ATXN10: variants seen among roughly 807,000 people sequenced by gnomAD.
ATXN10 encodes the protein ataxin-10.
Under a neutral mutation model 52.9 loss-of-function variants are expected in ATXN10, and 28 were observed. That is an observed-to-expected ratio of 0.53 (90% CI 0.39 to 0.73). The LOEUF (loss-of-function observed/expected upper bound fraction) is 0.73, where lower values mean the gene tolerates loss of function less well. Ranked by LOEUF, ATXN10 falls within the 30% of genes least tolerant of loss-of-function variation. ATXN10 has a pLI of 0.00. For missense variants in ATXN10, 565 were observed against 577.0 expected (o/e 0.98, Z 0.21); for synonymous variants, 226 against 221.5 (o/e 1.02, Z -0.18).
chr22:45,706,991 G>T (rs1035772373), intron 5 of ATXN10, among the ~76,000 whole-genome samples: 3 of 151,992 alleles, frequency 2.0e-5, no homozygotes, highest in Admixed American at 2.0e-4. Context: ...TTTTCCTTCA[G>T]TTCTGTCAGT....
chr22:45,740,709 C>CAT (rs1569044433), intron 9 of ATXN10, 171 bp downstream of exon 9: 4 of 396,226 alleles, frequency 1.0e-5, no homozygotes, highest in South Asian at 5.4e-5. Context: ...CACACACACA[C>CAT]ACACACACAC....
At position 45,701,068 on chromosome 22, in the gene ATXN10, G is replaced by A. The variant is rs1201380576; in HGVS notation, c.488+690G>A. ...CAGTATACCTAGTAGGAAAGGCACA[G>A]TCTGGGAGTGGGAGACCTGGCTTTG... On this transcript the variant is annotated intron_variant, in intron 4 of 11. Coordinates refer to ENST00000252934, the MANE Select transcript of ATXN10 (RefSeq NM_013236.4). This position sits in a 1 kb window ranked among gnomAD's most constrained non-coding sequence, Gnocchi z 4.2. Among the ~76,000 whole-genome samples, 1 of 152,234 alleles carries A rather than the reference G, an allele frequency of 6.6e-6. No individual in the cohort carries two copies. Among genetic ancestry groups the A allele is most frequent in the Non-Finnish European group, 1.5e-5 (1 of 68,046 alleles).
Position 45,762,601 on chromosome 22 carries a change from G to A in ATXN10, c.1173+22063G>A, listed in dbSNP as rs1289601203. Among the ~76,000 whole-genome samples the A allele has an allele frequency of 6.6e-6, 1 of 152,192 alleles. No individual in the cohort carries two copies. The highest frequency in any genetic ancestry group is 2.4e-5 in the African/African-American group (1 of 41,462). ...CTGGCTGAAGGGAAGCTGGGCAAGAGTGTATGTGTTTAGGCCACAGGGAGA... is the reference window on the plus strand; with the variant it reads ...CTGGCTGAAGGGAAGCTGGGCAAGAATGTATGTGTTTAGGCCACAGGGAGA... On this transcript the variant is annotated intron_variant, in intron 9 of 11. Transcript: ENST00000252934. The surrounding 1 kb of genome is among the most constrained non-coding windows in gnomAD (Gnocchi z 4.3).
rs1923066889 is a variant in ATXN10 at position 45,684,699 on chromosome 22, G to A, written c.117-5013G>A. Among the ~76,000 whole-genome samples, 1 of 152,156 alleles carries A rather than the reference G, an allele frequency of 6.6e-6. No individual in the cohort carries two copies. The highest frequency in any genetic ancestry group is 1.5e-5 in the Non-Finnish European group (1 of 68,034). ...CTGACCCTTTACAGAAAAAGTTTGT[G>A]ACCCTGCAAAATGGATTGGTCTGGG... On this transcript the variant is annotated intron_variant, in intron 1 of 11. Transcript: ENST00000252934. The surrounding 1 kb of genome is among the most constrained non-coding windows in gnomAD (Gnocchi z 4.1).
At position 45,743,661 on chromosome 22, in the gene ATXN10, C is replaced by T. The variant is rs561520833; in HGVS notation, c.1173+3123C>T. On this transcript the variant is annotated intron_variant, in intron 9 of 11. Coordinates refer to ENST00000252934, the MANE Select transcript of ATXN10 (RefSeq NM_013236.4). ...TTGGGAGGGATTTCGTATCATCTAG[C>T]CTAATTTGGGTTCCTCCTTTGCCCA... 9.9e-5 allele frequency among the ~76,000 whole-genome samples: 15 copies of T among 152,278 alleles called. No individual in the cohort carries two copies. The South Asian group carries it at 3.1e-3, about 32-fold the overall frequency.
At chr22:45,687,135 T>G (rs994966523) in intron 1 of ATXN10, among the ~76,000 whole-genome samples, 1 of 152,254 alleles carries the variant, frequency 6.6e-6, no homozygotes, top group Admixed American at 6.5e-5. Flanking sequence ...AGTTAAATGC[T>G]TTTCATTTGG....
chr22:45,691,936 C>T (rs1350462893), intron 2 of ATXN10, among the ~76,000 whole-genome samples: 5 of 152,176 alleles, frequency 3.3e-5, no homozygotes, highest in African/African-American at 4.8e-5. Context: ...GAGCCTTACA[C>T]ACTGGTCTTG....
At chr22:45,680,838 A>G (rs899412590) in intron 1 of ATXN10, among the ~76,000 whole-genome samples, 1 of 152,020 alleles carries the variant, frequency 6.6e-6, no homozygotes, top group African/African-American at 2.4e-5. Context: ...CCCTCAGCAA[A>G]ATTCCCTGTA....
Position 45,696,373 on chromosome 22 carries a change from T to C in ATXN10, c.391+3295T>C, listed in dbSNP as rs978077652. Among the ~76,000 whole-genome samples, 3 of 152,224 alleles carry C rather than the reference T, an allele frequency of 2.0e-5. No individual in the cohort carries two copies. Among genetic ancestry groups the C allele is most frequent in the African/African-American group, 7.2e-5 (3 of 41,452 alleles). On this transcript the variant is annotated intron_variant, in intron 3 of 11. Coordinates refer to ENST00000252934, the MANE Select transcript of ATXN10 (RefSeq NM_013236.4). This position sits in a 1 kb window ranked among gnomAD's most constrained non-coding sequence, Gnocchi z 4.7. ...TTGGTGATCCTGATGGGGCGGGCAG[T>C]GTGGCGCTCCAGAGCTGCTGTGCTG...
chr22:45,722,968 T>C (rs1924716158), intron 6 of ATXN10, among the ~76,000 whole-genome samples: 1 of 152,132 alleles, frequency 6.6e-6, no homozygotes, highest in African/African-American at 2.4e-5. Flanking sequence ...ATTCAAGAAA[T>C]AGTGAACTAG....
At position 45,835,364 on chromosome 22, in the gene ATXN10, C is replaced by T. The variant is rs570277944; in HGVS notation, c.1238-7627C>T. Among the ~76,000 whole-genome samples, 4 of 152,198 alleles carry T rather than the reference C, an allele frequency of 2.6e-5. No homozygotes were observed. Among genetic ancestry groups the T allele is most frequent in the Non-Finnish European group, 5.9e-5 (4 of 68,042 alleles). On this transcript the variant is annotated intron_variant, in intron 10 of 11. Transcript: ENST00000252934. The surrounding 1 kb of genome is among the most constrained non-coding windows in gnomAD (Gnocchi z 5.0). ...ACAGCGCACTGGTGCCACAGCCCTT[C>T]GCTCGGGCCCACGGGGTGCAGTGGA...
chr22:45,791,522 C>T (rs1360260336), intron 9 of ATXN10, among the ~76,000 whole-genome samples: 5 of 152,136 alleles, frequency 3.3e-5, no homozygotes, highest in Middle Eastern at 3.4e-3. Flanking sequence ...TAAGCATGGT[C>T]GGGTACTTTT....
chr22:45,727,422 G>A lies in ATXN10; in HGVS notation c.729-2003G>A, dbSNP rs893063837. Among the ~76,000 whole-genome samples, 3 of 151,946 alleles carry A rather than the reference G, an allele frequency of 2.0e-5. No homozygotes were observed. The highest frequency in any genetic ancestry group is 6.6e-5 in the Admixed American group (1 of 15,244). ...TGCCCAGGCTGGGGTGCAGTGGCAC[G>A]ATCTTGGCTTACTGTAACCTCTGCC... On this transcript the variant is annotated intron_variant, in intron 6 of 11. Transcript: ENST00000252934. This position sits in a 1 kb window ranked among gnomAD's most constrained non-coding sequence, Gnocchi z 4.6.
chr22:45,818,498 G>A lies in ATXN10; in HGVS notation c.1237+11476G>A, dbSNP rs1008343469. Among the ~76,000 whole-genome samples the A allele has an allele frequency of 2.0e-5, 3 of 152,278 alleles. No individual in the cohort carries two copies. In the South Asian group the frequency reaches 6.2e-4, roughly 32 times the overall value. ...ATGCTTATTCTCACATCAGTCAGAA[G>A]ACGCCAGCCTGTTGTTTTTCAGAGC... On this transcript the variant is annotated intron_variant, in intron 10 of 11. Transcript: ENST00000252934. This position sits in a 1 kb window ranked among gnomAD's most constrained non-coding sequence, Gnocchi z 4.6.
At chr22:45,802,615 A>G (rs1302601701) in intron 9 of ATXN10, among the ~76,000 whole-genome samples, 1 of 152,208 alleles carries the variant, frequency 6.6e-6, no homozygotes, top group Non-Finnish European at 1.5e-5. Flanking sequence ...GTTCCCTTGT[A>G]TCCTTTCCTA....
Position 45,681,543 on chromosome 22 carries a change from T to TTTAATG in ATXN10, c.117-8167_117-8162dup. On this transcript the variant is annotated intron_variant, in intron 1 of 11. Transcript: ENST00000252934. This position sits in a 1 kb window ranked among gnomAD's most constrained non-coding sequence, Gnocchi z 4.2. ...CCATGGATGAGTAATAAGAGCATTT[T>TTTAATG]TTAATGTACATCCTCAACTCCACTG... is the stretch of plus-strand genomic sequence containing the variant. Among the ~76,000 whole-genome samples the TTTAATG allele has an allele frequency of 6.6e-6, 1 of 152,334 alleles. No homozygotes were observed. Among genetic ancestry groups the TTTAATG allele is most frequent in the South Asian group, 2.1e-4 (1 of 4,828 alleles).
intron 9 of ATXN10, among the ~76,000 whole-genome samples, chr22:45,752,280 G>A (rs1926005282): frequency 6.6e-6 from 1 of 152,138 alleles, no homozygotes; most frequent in Non-Finnish European, 1.5e-5. Context: ...GGAATTCACA[G>A]TGTAAAGAAG....
intron 10 of ATXN10, among the ~76,000 whole-genome samples, chr22:45,817,923 A>T (rs558880951): frequency 6.6e-6 from 1 of 152,304 alleles, no homozygotes; most frequent in Admixed American, 6.5e-5. Flanking sequence ...CTAGTGAAAG[A>T]GTGAGGGGGA....
intron 9 of ATXN10, among the ~76,000 whole-genome samples, chr22:45,743,986 G>A (rs1925634737): frequency 6.6e-6 from 1 of 152,054 alleles, no homozygotes; most frequent in South Asian, 2.1e-4. Flanking sequence ...GCTGGAGGCT[G>A]GTCAGTCTGC....
Sources: gnomAD v4.1 joint callset for allele counts (sites outside exome capture counted in the v4.1 genomes callset) on GRCh38, gnomAD v4.1.1 for gene constraint, Gnocchi (gnomAD v3.1) non-coding constraint, MANE v1.5 for transcripts, NCBI Gene and HGNC (gene_info 2026-07-23, HGNC 2026-07-21) for gene names.